Variants in MAPKAP1 observed in about 807,000 individuals in gnomAD.
MAPKAP1 encodes MAPK associated protein 1, also known as target of rapamycin complex 2 subunit MAPKAP1.
MAPKAP1 carries 20 observed loss-of-function variants against 65.7 expected under a neutral mutation model. The observed-to-expected ratio is 0.30, with a 90% CI of 0.21 to 0.44. The LOEUF (loss-of-function observed/expected upper bound fraction) is 0.44, where lower values mean the gene tolerates loss of function less well. Ranked by LOEUF, MAPKAP1 falls within the 20% of genes least tolerant of loss-of-function variation. The pLI is 1.00. For synonymous variants in MAPKAP1, 222 were observed against 244.3 expected, an observed-to-expected ratio of 0.91 and a Z score of 0.85; for missense variants, 423 against 648.0, an observed-to-expected ratio of 0.65 and a Z score of 3.77.
chr9:125,638,512 C>G (rs1833488093), intron 4 of MAPKAP1, among the ~76,000 whole-genome samples: 1 of 152,232 alleles, frequency 6.6e-6, no homozygotes. Context: ...ACTGATTTCA[C>G]AGAAAGACCC....
At position 125,492,706 on chromosome 9, in the gene MAPKAP1, T is replaced by TA; in HGVS notation, c.1067-8124dup. The stretch of plus-strand genomic sequence containing the variant: ...ATTCATTTTATGGTTCAAGGAGTCT[T>TA]ACACCAAGTCTAAAAGGCCCCAATC... On this transcript the variant is annotated intron_variant, in intron 8 of 11. Transcript: ENST00000265960. Among the ~76,000 whole-genome samples, 3 of 152,320 alleles carry TA rather than the reference T, an allele frequency of 2.0e-5. No individual in the cohort carries two copies. In the East Asian group the frequency reaches 5.8e-4, roughly 29 times the overall value.
intron 11 of MAPKAP1, among the ~76,000 whole-genome samples, chr9:125,443,128 G>A (rs557013349): frequency 7.2e-5 from 11 of 152,310 alleles, no homozygotes; most frequent in African/African-American, 2.6e-4. Context: ...GGAGCCTCTG[G>A]CCCAGGTCCT....
rs1831757951 is a variant in MAPKAP1 at position 125,585,608 on chromosome 9, C to G, written c.618G>C (p.Leu206=). Residue 206 remains leucine (L), a synonymous_variant, in exon 5 of 12, where the codon CTG becomes CTC. Coordinates refer to ENST00000265960, the MANE Select transcript of MAPKAP1 (RefSeq NM_001006617.3). ...TATACTGCCAGCAGATGAGCCCGAT[C>G]AGGTCCTGCACCCTGGCGCTGGCCA... ...VTMASARVQD[L]IGLICWQYTS... The G allele has an allele frequency of 6.2e-7, 1 of 1,614,254 alleles. No homozygotes were observed. The highest frequency in any genetic ancestry group is 1.3e-5 in the African/African-American group (1 of 75,068).
At chr9:125,656,905 C>T (rs1306475342) in intron 4 of MAPKAP1, among the ~76,000 whole-genome samples, 2 of 152,074 alleles carry the variant, frequency 1.3e-5, no homozygotes, top group Non-Finnish European at 2.9e-5. Flanking sequence ...GAAATAGTGG[C>T]CATGTTTCTA....
At chr9:125,577,956 C>T (rs1831495365) in intron 5 of MAPKAP1, among the ~76,000 whole-genome samples, 1 of 151,688 alleles carries the variant, frequency 6.6e-6, no homozygotes, top group Admixed American at 6.6e-5. Context: ...TGAGAACAGG[C>T]CATGATGACA....
intron 4 of MAPKAP1, among the ~76,000 whole-genome samples, chr9:125,624,344 G>A (rs1191105238): frequency 7.5e-5 from 3 of 39,916 alleles, no homozygotes; most frequent in Admixed American, 2.2e-4. Context: ...TGGGGGGGTC[G>A]GCCCCCCGCC....
At chr9:125,478,555 C>T (rs1589223921) in intron 9 of MAPKAP1, among the ~76,000 whole-genome samples, 2 of 152,244 alleles carry the variant, frequency 1.3e-5, no homozygotes, top group East Asian at 3.9e-4. Context: ...GTCTTGAATT[C>T]CTGGCTTCTA....
intron 4 of MAPKAP1, among the ~76,000 whole-genome samples, chr9:125,621,044 G>C (rs1832882283): frequency 6.6e-6 from 1 of 152,090 alleles, no homozygotes; most frequent in Admixed American, 6.5e-5. Flanking sequence ...GGCTGAGGTG[G>C]GCAGACTGGT....
At chr9:125,597,066 T>G (rs1564575285) in intron 4 of MAPKAP1, among the ~76,000 whole-genome samples, 1 of 148,810 alleles carries the variant, frequency 6.7e-6, no homozygotes, top group Non-Finnish European at 1.5e-5. Context: ...ATCGAGACCA[T>G]CCTGGCTAAC....
intron 7 of MAPKAP1, chr9:125,521,846 C>CAGGTTGGAGTCA: frequency 4.5e-6 from 6 of 1,339,584 alleles, no homozygotes; most frequent in Non-Finnish European, 5.3e-6. Context: ...AGTGGTGACT[C>CAGGTTGGAGTCA]CAACCTGAGT....
intron 7 of MAPKAP1, among the ~76,000 whole-genome samples, chr9:125,512,360 T>G (rs1829325900): frequency 6.6e-6 from 1 of 152,204 alleles, no homozygotes; most frequent in South Asian, 2.1e-4. Flanking sequence ...GGGCTTGCTT[T>G]TGTATCTTTA....
At chr9:125,506,441 G>A (rs376335403) in intron 7 of MAPKAP1, 24 bp from the exon 8 acceptor site, 15 of 1,591,842 alleles carry the variant, frequency 9.4e-6, no homozygotes, top group Admixed American at 6.7e-5. Context: ...GGGGCAGGAG[G>A]AGGGGAGGAA....
chr9:125,598,094 A>C (rs1404209168), intron 4 of MAPKAP1, among the ~76,000 whole-genome samples: 1 of 151,918 alleles, frequency 6.6e-6, no homozygotes, highest in African/African-American at 2.4e-5. Context: ...CAAAACCCAA[A>C]CACCAGAATT....
intron 5 of MAPKAP1, among the ~76,000 whole-genome samples, chr9:125,563,595 TACTA>T (rs1554823094): frequency 5.9e-5 from 9 of 152,206 alleles, no homozygotes; most frequent in Non-Finnish European, 1.3e-4. Context: ...TCTCCATACT[TACTA>T]AAGAGTAAAA....
At chr9:125,616,181 A>G (rs1366686580) in intron 4 of MAPKAP1, among the ~76,000 whole-genome samples, 1 of 152,180 alleles carries the variant, frequency 6.6e-6, no homozygotes, top group East Asian at 1.9e-4. Flanking sequence ...CCACACAGAA[A>G]AAAACAGAAA....
chr9:125,519,500 C>A (rs1279739828), intron 7 of MAPKAP1, among the ~76,000 whole-genome samples: 2 of 151,752 alleles, frequency 1.3e-5, no homozygotes, highest in Admixed American at 6.6e-5. Context: ...GGTATGGTAG[C>A]ACACACTTGT....
At chr9:125,508,079 T>A (rs773076494) in intron 7 of MAPKAP1, among the ~76,000 whole-genome samples, 1 of 151,880 alleles carries the variant, frequency 6.6e-6, no homozygotes, top group Non-Finnish European at 1.5e-5. Context: ...GGCGGGGGGA[T>A]TGCTTGAGCC....
At chr9:125,632,225 G>GA (rs57409863) in intron 4 of MAPKAP1, among the ~76,000 whole-genome samples, 21 of 143,350 alleles carry the variant, frequency 1.5e-4, no homozygotes, top group African/African-American at 5.1e-4. Context: ...CCGTCTCAAA[G>GA]AAAAAAAAAA....
intron 1 of MAPKAP1, among the ~76,000 whole-genome samples, chr9:125,693,814 C>CACACATAT (rs1202075191): frequency 1.6e-4 from 22 of 140,548 alleles, no homozygotes; most frequent in African/African-American, 5.6e-4. Context: ...TATACACACA[C>CACACATAT]ATATACACAC....
Sources: gnomAD v4.1 joint callset for allele counts (sites outside exome capture counted in the v4.1 genomes callset) on GRCh38, gnomAD v4.1.1 for gene constraint, MANE v1.5 for transcripts, NCBI Gene and HGNC (gene_info 2026-07-23, HGNC 2026-07-21) for gene names.